ATP6V1C2: variants seen among roughly 807,000 people sequenced by gnomAD.
The protein encoded by ATP6V1C2 is V-type proton ATPase subunit C 2.
In ATP6V1C2, 45 loss-of-function variants were observed where a neutral mutation model predicts 56.8. That is an observed-to-expected ratio of 0.79 (90% CI 0.62 to 1.02). The LOEUF is 1.02. Ranked by LOEUF, ATP6V1C2 falls within the 50% of genes least tolerant of loss-of-function variation. The pLI, the probability that ATP6V1C2 is intolerant of heterozygous loss-of-function variation, is 0.00. For synonymous variants in ATP6V1C2, 220 were observed against 201.3 expected, an observed-to-expected ratio of 1.09 and a Z score of -0.79; for missense variants, 463 against 519.7, an observed-to-expected ratio of 0.89 and a Z score of 1.06.
intron 2 of ATP6V1C2, among the ~76,000 whole-genome samples, chr2:10,724,290 G>A (rs1661520733): frequency 2.0e-5 from 3 of 152,160 alleles, no homozygotes; most frequent in South Asian, 2.1e-4. Flanking sequence ...TACCAGGGTT[G>A]TAATGCTACC....
chr2:10,749,023 G>A (rs1018249906), intron 3 of ATP6V1C2, among the ~76,000 whole-genome samples: 1 of 151,052 alleles, frequency 6.6e-6, no homozygotes, highest in African/African-American at 2.4e-5. Context: ...CCAGCTACCA[G>A]GGAAGCTGAG....
At chr2:10,732,302 A>G (rs1662000177) in intron 3 of ATP6V1C2, among the ~76,000 whole-genome samples, 2 of 151,250 alleles carry the variant, frequency 1.3e-5, no homozygotes, top group African/African-American at 4.9e-5. Context: ...TCTACTGCCC[A>G]GGCTGAAGCG....
intron 13 of ATP6V1C2, 150 bp downstream of exon 13, chr2:10,782,525 C>A (rs979101162): frequency 2.9e-5 from 26 of 909,066 alleles, no homozygotes; most frequent in Non-Finnish European, 3.7e-5. Context: ...CATGGTAAGA[C>A]CCTGTCTCTA....
chr2:10,722,955 A>C lies in ATP6V1C2; in HGVS notation c.106A>C (p.Lys36Gln), dbSNP rs962522809. Residue 36 changes from lysine to glutamine, a missense_variant, in exon 2 of 14, where the codon AAA becomes CAA. By Grantham distance (53) the Lys-to-Gln change is moderately conservative. Coordinates refer to ENST00000272238, the MANE Select transcript of ATP6V1C2 (RefSeq NM_001039362.2). ...CAAGTCCAACCTGTCTTATAATACC[A>C]AATTCGCTATTCCTGACTTCAAGGT... ...TSKSNLSYNTKFAIPDFKVGT... is the reference protein window; with the variant it reads ...TSKSNLSYNTQFAIPDFKVGT... The C allele has an allele frequency of 1.2e-6, 2 of 1,614,114 alleles. No individual in the cohort carries two copies. Among genetic ancestry groups the C allele is most frequent in the Admixed American group, 3.3e-5 (2 of 59,992 alleles).
At chr2:10,744,557 A>G (rs376067888) in intron 3 of ATP6V1C2, among the ~76,000 whole-genome samples, 2 of 151,614 alleles carry the variant, frequency 1.3e-5, no homozygotes, top group African/African-American at 4.8e-5. Flanking sequence ...CTAGTATCTG[A>G]CACTTGAACT....
chr2:10,735,128 TGTTAAA>T (rs1191688425), intron 3 of ATP6V1C2, among the ~76,000 whole-genome samples: 7 of 152,340 alleles, frequency 4.6e-5, no homozygotes, highest in Middle Eastern at 3.4e-3. Context: ...TAAAATATCT[TGTTAAA>T]GTTAATTTAA....
intron 10 of ATP6V1C2, among the ~76,000 whole-genome samples, chr2:10,776,788 C>G (rs1011266014): frequency 2.0e-5 from 3 of 152,114 alleles, no homozygotes; most frequent in African/African-American, 7.2e-5. Context: ...GGGTGACACA[C>G]AGGAGCCTGC....
chr2:10,722,782 CTTCT>C (rs1009369692), intron 1 of ATP6V1C2, 38 bp from the exon 2 acceptor site: 1 of 1,587,252 alleles, frequency 6.3e-7, no homozygotes, highest in African/African-American at 1.3e-5. Context: ...CACATCTCTC[CTTCT>C]GTTTCTGTTT....
intron 13 of ATP6V1C2, 133 bp downstream of exon 13, chr2:10,782,508 T>A: frequency 9.8e-7 from 1 of 1,020,968 alleles, no homozygotes; most frequent in Non-Finnish European, 1.4e-6. Flanking sequence ...GAGACCAGCC[T>A]AGCCAACATG....
At position 10,780,291 on chromosome 2, in the gene ATP6V1C2, A is replaced by G. The variant is rs536835212; in HGVS notation, c.1061+1622A>G. On this transcript the variant is annotated intron_variant, in intron 12 of 13. Coordinates refer to ENST00000272238, the MANE Select transcript of ATP6V1C2 (RefSeq NM_001039362.2). This position sits in a 1 kb window ranked among gnomAD's most constrained non-coding sequence, Gnocchi z 4.1. ...CAGGGTCAGTTTAGACACCCCTGAC[A>G]GGCCCGGTCCACTCCGCCTTTGCAC... Among the ~76,000 whole-genome samples, 61 of 152,230 alleles carry G rather than the reference A, an allele frequency of 4.0e-4. 1 individual carries two copies. The East Asian group carries it at 8.5e-3, about 21-fold the overall frequency.
rs1054856537 is a variant in ATP6V1C2, at chr2:10,743,325, G to A, written c.198-10656G>A. Reference sequence around the variant, plus strand: ...TCGCTATGTTGCTCAAGCTGATCTCGAACTCCTGGGCTCAAGTGATCCTCC... The same window carrying A: ...TCGCTATGTTGCTCAAGCTGATCTCAAACTCCTGGGCTCAAGTGATCCTCC... On this transcript the variant is annotated intron_variant, in intron 3 of 13. Coordinates refer to ENST00000272238, the MANE Select transcript of ATP6V1C2 (RefSeq NM_001039362.2). 2.7e-5 allele frequency among the ~76,000 whole-genome samples: 4 copies of A among 150,258 alleles called. No homozygotes were observed. The East Asian group carries it at 6.1e-4, about 23-fold the overall frequency.
At chr2:10,762,483 A>G (rs969106635) in intron 4 of ATP6V1C2, among the ~76,000 whole-genome samples, 1 of 152,162 alleles carries the variant, frequency 6.6e-6, no homozygotes, top group Non-Finnish European at 1.5e-5. Flanking sequence ...GTCTTGGCCC[A>G]AGGTCAGCAG....
intron 8 of ATP6V1C2, 138 bp downstream of exon 8, chr2:10,772,748 C>T (rs1322436918): frequency 1.3e-6 from 1 of 764,946 alleles, no homozygotes; most frequent in African/African-American, 1.7e-5. Flanking sequence ...GTCCCTTGGC[C>T]TGGAATTCTG....
chr2:10,760,239 G>A (rs758109501), intron 4 of ATP6V1C2, among the ~76,000 whole-genome samples: 1 of 151,990 alleles, frequency 6.6e-6, no homozygotes, highest in Non-Finnish European at 1.5e-5. Flanking sequence ...GTGTGATGGC[G>A]TGTGCCTGTA....
chr2:10,757,815 T>A (rs13424299), intron 4 of ATP6V1C2, among the ~76,000 whole-genome samples: 3,527 of 152,288 alleles, frequency 0.023, 144 homozygotes, highest in African/African-American at 0.082. Flanking sequence ...CCCGTCTGTT[T>A]TATGGACACT....
chr2:10,732,975 A>G (rs1046071257), intron 3 of ATP6V1C2, among the ~76,000 whole-genome samples: 2 of 151,922 alleles, frequency 1.3e-5, no homozygotes, highest in African/African-American at 2.4e-5. Flanking sequence ...CTCAAAAAAA[A>G]AAAAAGAAAA....
At position 10,782,930 on chromosome 2, in the gene ATP6V1C2, T is replaced by C. The variant is rs185696516; in HGVS notation, c.1195-244T>C. ...TGGGAGTCTGAGGCAGGCAGTGAGC[T>C]GAGTCCAGCCTGGGTGACAGAAACT... On this transcript the variant is annotated intron_variant, in intron 13 of 13. Coordinates refer to ENST00000272238, the MANE Select transcript of ATP6V1C2 (RefSeq NM_001039362.2). Among the ~76,000 whole-genome samples, 281 of 150,346 alleles carry C rather than the reference T, an allele frequency of 1.9e-3. 1 individual carries two copies. The highest frequency in any genetic ancestry group is 6.4e-3 in the African/African-American group (260 of 40,770).
chr2:10,726,330 A>G (rs1187891221), intron 2 of ATP6V1C2, among the ~76,000 whole-genome samples, 172 bp from the exon 3 acceptor site: 2 of 152,162 alleles, frequency 1.3e-5, no homozygotes, highest in African/African-American at 2.4e-5. Flanking sequence ...GTAAATAAAG[A>G]CACCCCCAAA....
intron 12 of ATP6V1C2, 59 bp downstream of exon 12, chr2:10,778,728 G>A (rs1665158738): frequency 1.3e-6 from 2 of 1,524,974 alleles, no homozygotes; most frequent in Admixed American, 1.7e-5. Context: ...GTCTGGGGGA[G>A]CTATCGGGGC....
Sources: allele counts gnomAD v4.1 joint callset (sites outside exome capture counted in the v4.1 genomes callset), GRCh38; gene constraint gnomAD v4.1.1; non-coding constraint Gnocchi (gnomAD v3.1); transcripts MANE v1.5; gene names NCBI Gene and HGNC (gene_info 2026-07-23, HGNC 2026-07-21).